The following CSMD3 variants were observed in gnomAD, a reference collection of about 807,000 sequenced individuals.
The protein encoded by CSMD3 is CUB and sushi domain-containing protein 3.
In CSMD3, 177 loss-of-function variants were observed where a neutral mutation model predicts 435.2. That is an observed-to-expected ratio of 0.41 (90% CI 0.36 to 0.46). The LOEUF (loss-of-function observed/expected upper bound fraction) is 0.46, where lower values mean the gene tolerates loss of function less well. Ranked by LOEUF, CSMD3 falls within the 20% of genes least tolerant of loss-of-function variation. The pLI is 0.34. For synonymous variants in CSMD3, 1,656 were observed against 1,520.5 expected (o/e 1.09, Z -2.07); for missense variants, 4,265 against 4,504.6 (o/e 0.95, Z 1.52).
chr8:113,136,275 C>A (rs1365915040), intron 4 of CSMD3, among the ~76,000 whole-genome samples: 2 of 151,464 alleles, frequency 1.3e-5, no homozygotes, highest in African/African-American at 2.4e-5. Context: ...TAACCACTAG[C>A]CATATGTGCC....
At chr8:113,347,961 AT>A (rs1355505365) in intron 1 of CSMD3, among the ~76,000 whole-genome samples, 1 of 152,146 alleles carries the variant, frequency 6.6e-6, no homozygotes, top group Non-Finnish European at 1.5e-5. Flanking sequence ...AAAATAAATC[AT>A]TAAAAAATGG....
chr8:112,504,893 T>C (rs918432333), intron 29 of CSMD3, among the ~76,000 whole-genome samples: 1 of 152,158 alleles, frequency 6.6e-6, no homozygotes, highest in African/African-American at 2.4e-5. Context: ...AACCAGTTTA[T>C]GATATAAAAT....
intron 1 of CSMD3, among the ~76,000 whole-genome samples, chr8:113,350,649 A>G (rs2094184223): frequency 6.6e-6 from 1 of 152,010 alleles, no homozygotes; most frequent in Non-Finnish European, 1.5e-5. Flanking sequence ...TTTCTACCCT[A>G]CCTCCTAGGT....
chr8:112,803,240 T>C (rs1184976846), intron 12 of CSMD3, among the ~76,000 whole-genome samples: 1 of 152,208 alleles, frequency 6.6e-6, no homozygotes, highest in African/African-American at 2.4e-5. Context: ...TCTGCATCCC[T>C]TGTGTCTCTT....
intron 22 of CSMD3, among the ~76,000 whole-genome samples, chr8:112,627,797 T>A (rs1269961317): frequency 6.6e-6 from 1 of 152,136 alleles, no homozygotes; most frequent in Non-Finnish European, 1.5e-5. Flanking sequence ...TTCCTGATGA[T>A]CACATGGTGA....
chr8:113,153,394 A>G (rs748555717), intron 4 of CSMD3, among the ~76,000 whole-genome samples: 13 of 152,100 alleles, frequency 8.5e-5, no homozygotes, highest in East Asian at 3.9e-4. Flanking sequence ...CATAATTATT[A>G]TAAGAGGCAT....
chr8:112,246,722 T>C (rs1280935751), intron 64 of CSMD3, among the ~76,000 whole-genome samples: 4 of 152,148 alleles, frequency 2.6e-5, no homozygotes, highest in Admixed American at 2.6e-4. Context: ...GACTGATAGA[T>C]GCAGATCTAT....
intron 35 of CSMD3, among the ~76,000 whole-genome samples, chr8:112,393,041 C>T (rs1397486855): frequency 6.6e-6 from 1 of 151,530 alleles, no homozygotes; most frequent in African/African-American, 2.4e-5. Flanking sequence ...AATTTGTGTA[C>T]AGATATTCAG....
chr8:113,029,504 A>C (rs994997278), intron 5 of CSMD3, among the ~76,000 whole-genome samples: 105 of 151,808 alleles, frequency 6.9e-4, no homozygotes, highest in African/African-American at 2.4e-3. Context: ...ACACCACATA[A>C]ACAGAATTAA....
intron 3 of CSMD3, among the ~76,000 whole-genome samples, chr8:113,194,564 T>G (rs1383140405): frequency 6.6e-6 from 1 of 151,298 alleles, no homozygotes; most frequent in African/African-American, 2.4e-5. Flanking sequence ...GATAATGATT[T>G]GTCAATATAA....
chr8:112,960,268 C>A (rs1331898944), intron 7 of CSMD3, among the ~76,000 whole-genome samples: 3 of 151,248 alleles, frequency 2.0e-5, no homozygotes, highest in African/African-American at 7.3e-5. Flanking sequence ...ATGATGACTT[C>A]TTTGATGTAA....
At chr8:113,214,235 G>GT (rs1014983046) in intron 3 of CSMD3, among the ~76,000 whole-genome samples, 1 of 151,912 alleles carries the variant, frequency 6.6e-6, no homozygotes, top group African/African-American at 2.4e-5. Context: ...TTATTTTGTT[G>GT]TTTTTTAAAT....
chr8:113,160,081 A>G (rs2092009693), intron 4 of CSMD3, among the ~76,000 whole-genome samples: 1 of 152,014 alleles, frequency 6.6e-6, no homozygotes, highest in Non-Finnish European at 1.5e-5. Context: ...ACAATAAGTG[A>G]GAAATATATC....
intron 4 of CSMD3, among the ~76,000 whole-genome samples, chr8:113,140,310 T>C (rs2091517510): frequency 6.6e-6 from 1 of 150,416 alleles, no homozygotes; most frequent in African/African-American, 2.4e-5. Flanking sequence ...ACAATTATCG[T>C]TGGGAGTTTT....
chr8:113,130,597 A>T (rs2091260106), intron 4 of CSMD3, among the ~76,000 whole-genome samples: 1 of 152,106 alleles, frequency 6.6e-6, no homozygotes, highest in African/African-American at 2.4e-5. Context: ...ATCCAGTCTC[A>T]GGTAGTTCCT....
chr8:112,553,987 A>C (rs1316342688), intron 25 of CSMD3, among the ~76,000 whole-genome samples: 1 of 151,968 alleles, frequency 6.6e-6, no homozygotes, highest in Non-Finnish European at 1.5e-5. Flanking sequence ...CTCATCCAAT[A>C]AATTTGAAGA....
intron 22 of CSMD3, among the ~76,000 whole-genome samples, chr8:112,596,779 T>C (rs371889078): frequency 6.6e-6 from 1 of 152,006 alleles, no homozygotes; most frequent in South Asian, 2.1e-4. Context: ...GGATACATAA[T>C]GAAATGAAGG....
chr8:112,531,154 C>T (rs958893454), intron 27 of CSMD3, among the ~76,000 whole-genome samples: 2 of 152,068 alleles, frequency 1.3e-5, no homozygotes, highest in African/African-American at 4.8e-5. Context: ...GGGACTTTGC[C>T]TTGGAAACTA....
chr8:112,376,036 C>G (rs915736617), intron 38 of CSMD3, among the ~76,000 whole-genome samples: 2 of 152,120 alleles, frequency 1.3e-5, no homozygotes, highest in African/African-American at 4.8e-5. Flanking sequence ...TCTATCCACC[C>G]CGTCTTGCTT....
Sources: gnomAD v4.1 joint callset for allele counts (sites outside exome capture counted in the v4.1 genomes callset) on GRCh38, gnomAD v4.1.1 for gene constraint, MANE v1.5 for transcripts, NCBI Gene and HGNC (gene_info 2026-07-23, HGNC 2026-07-21) for gene names.